The following ARHGAP24 variants were observed in gnomAD, a reference collection of about 807,000 sequenced individuals.
ARHGAP24 encodes the protein rho GTPase-activating protein 24.
In ARHGAP24, 50 loss-of-function variants were observed where a neutral mutation model predicts 76.4. That is an observed-to-expected ratio of 0.65 (90% CI 0.52 to 0.83). ARHGAP24 has a LOEUF of 0.83. ARHGAP24 is among the 40% of genes least tolerant of loss of function. ARHGAP24 has a pLI of 0.00. For missense variants in ARHGAP24, 930 were observed against 914.2 expected (o/e 1.02, Z -0.22); for synonymous variants, 345 against 323.3 (o/e 1.07, Z -0.72).
At chr4:85,567,535 T>C (rs1387569837) in intron 1 of ARHGAP24, among the ~76,000 whole-genome samples, 2 of 152,194 alleles carry the variant, frequency 1.3e-5, no homozygotes, top group Non-Finnish European at 2.9e-5. Context: ...GAAGATCATG[T>C]TTCAAAGGGA....
intron 2 of ARHGAP24, among the ~76,000 whole-genome samples, chr4:85,624,947 T>C (rs1342921448): frequency 6.6e-6 from 1 of 152,202 alleles, no homozygotes; most frequent in Non-Finnish European, 1.5e-5. Context: ...ATTGTGTCTA[T>C]TTGATTCTTC....
At chr4:85,827,955 T>C in intron 3 of ARHGAP24, 1 of 1,289,772 alleles carries the variant, frequency 7.8e-7, no homozygotes, top group Non-Finnish European at 1.0e-6. Flanking sequence ...CACTGACCAC[T>C]GAAGTGTATG....
chr4:85,540,950 A>G (rs1725658532), intron 1 of ARHGAP24, among the ~76,000 whole-genome samples: 1 of 152,088 alleles, frequency 6.6e-6, no homozygotes, highest in African/African-American at 2.4e-5. Flanking sequence ...TGTGCAGTTT[A>G]CTAAAGATAA....
intron 2 of ARHGAP24, among the ~76,000 whole-genome samples, chr4:85,611,596 C>T (rs1720383980): frequency 6.6e-6 from 1 of 152,038 alleles, no homozygotes; most frequent in African/African-American, 2.4e-5. Context: ...AACTCTTTAC[C>T]TGCACTGTCC....
At chr4:85,720,137 A>T (rs1724875458) in intron 2 of ARHGAP24, among the ~76,000 whole-genome samples, 2 of 152,034 alleles carry the variant, frequency 1.3e-5, no homozygotes, top group Admixed American at 1.3e-4. Context: ...TGGGGGAGGG[A>T]TAGCATTAGG....
intron 2 of ARHGAP24, among the ~76,000 whole-genome samples, chr4:85,600,756 G>A (rs1013744682): frequency 7.9e-5 from 12 of 152,150 alleles, no homozygotes; most frequent in South Asian, 2.1e-4. Context: ...CAAGGAATAC[G>A]TAATATGCTA....
intron 8 of ARHGAP24, among the ~76,000 whole-genome samples, chr4:85,980,318 G>C (rs1193940345): frequency 6.6e-6 from 1 of 152,160 alleles, no homozygotes; most frequent in Non-Finnish European, 1.5e-5. Context: ...GTTCACATTA[G>C]TTACAATTCA....
intron 5 of ARHGAP24, among the ~76,000 whole-genome samples, chr4:85,959,453 G>A (rs1473607050): frequency 2.0e-5 from 3 of 152,012 alleles, no homozygotes; most frequent in Non-Finnish European, 2.9e-5. Context: ...TTGCAGCCTC[G>A]TTTTACCCAG....
chr4:85,663,477 G>C (rs986776602), intron 2 of ARHGAP24, among the ~76,000 whole-genome samples: 21 of 150,276 alleles, frequency 1.4e-4, no homozygotes, highest in Non-Finnish European at 2.8e-4. Context: ...GGGACAATTT[G>C]ACTTCCTCAT....
chr4:85,801,063 C>T (rs1728560049), intron 3 of ARHGAP24, among the ~76,000 whole-genome samples: 1 of 152,066 alleles, frequency 6.6e-6, no homozygotes, highest in Non-Finnish European at 1.5e-5. Flanking sequence ...CAAATGTGAA[C>T]TATGGATGGT....
intron 3 of ARHGAP24, among the ~76,000 whole-genome samples, chr4:85,797,806 T>TA (rs1174330105): frequency 2.0e-5 from 3 of 152,210 alleles, no homozygotes; most frequent in African/African-American, 7.2e-5. Flanking sequence ...CCTCATTAGA[T>TA]ATTATGCTTT....
intron 3 of ARHGAP24, among the ~76,000 whole-genome samples, chr4:85,914,359 C>T (rs1269569664): frequency 2.6e-5 from 4 of 152,166 alleles, no homozygotes; most frequent in African/African-American, 9.7e-5. Flanking sequence ...ACCCAGCAGG[C>T]ATCTTAAAAG....
At chr4:85,901,470 A>T (rs758670439) in intron 3 of ARHGAP24, among the ~76,000 whole-genome samples, 8 of 152,200 alleles carry the variant, frequency 5.3e-5, no homozygotes, top group Non-Finnish European at 8.8e-5. Flanking sequence ...CCAGTAGGAC[A>T]TTTGATGTTG....
chr4:85,690,580 A>AT (rs1723595157), intron 2 of ARHGAP24, among the ~76,000 whole-genome samples: 1 of 151,728 alleles, frequency 6.6e-6, no homozygotes, highest in South Asian at 2.1e-4. Context: ...TTTCCTTTAG[A>AT]TTTTCTAATG....
intron 2 of ARHGAP24, among the ~76,000 whole-genome samples, chr4:85,642,533 T>C (rs1721559870): frequency 6.6e-6 from 1 of 151,314 alleles, no homozygotes; most frequent in South Asian, 2.1e-4. Context: ...TTTCTTAGTT[T>C]ATTCAGACCA....
intron 3 of ARHGAP24, among the ~76,000 whole-genome samples, chr4:85,737,532 A>G (rs1384304777): frequency 6.6e-6 from 1 of 152,228 alleles, no homozygotes; most frequent in Non-Finnish European, 1.5e-5. Context: ...ATGGCTCAGT[A>G]TGTTAATCGT....
chr4:85,648,502 A>G (rs947622628), intron 2 of ARHGAP24, among the ~76,000 whole-genome samples: 5 of 152,082 alleles, frequency 3.3e-5, no homozygotes, highest in Non-Finnish European at 7.4e-5. Context: ...CATATATATT[A>G]TACACTGGAG....
chr4:85,481,882 C>A (rs567725522), intron 1 of ARHGAP24, among the ~76,000 whole-genome samples: 3 of 152,080 alleles, frequency 2.0e-5, no homozygotes, highest in Admixed American at 6.5e-5. Flanking sequence ...TCACTGGGCA[C>A]GCAGAAGTAA....
At chr4:85,494,763 G>A (rs1413862787) in intron 1 of ARHGAP24, among the ~76,000 whole-genome samples, 1 of 152,036 alleles carries the variant, frequency 6.6e-6, no homozygotes, top group African/African-American at 2.4e-5. Context: ...TCAAGTTTCT[G>A]TAACGGAATA....
Sources: gnomAD v4.1 joint callset for allele counts (sites outside exome capture counted in the v4.1 genomes callset) on GRCh38, gnomAD v4.1.1 for gene constraint, MANE v1.5 for transcripts, NCBI Gene and HGNC (gene_info 2026-07-23, HGNC 2026-07-21) for gene names.